MAP2K1: variants seen among roughly 807,000 people sequenced by gnomAD.
MAP2K1 encodes the protein mitogen-activated protein kinase kinase 1.
MAP2K1 carries 16 observed loss-of-function variants against 46.3 expected under a neutral mutation model. That is an observed-to-expected ratio of 0.35 (90% confidence interval 0.23 to 0.52). The LOEUF (loss-of-function observed/expected upper bound fraction) is 0.52, where lower values mean the gene tolerates loss of function less well. MAP2K1 is among the 20% of genes least tolerant of loss of function. The pLI is 0.94. For synonymous variants in MAP2K1, 183 were observed against 185.6 expected (o/e 0.99, Z 0.11); for missense variants, 263 against 497.1 (o/e 0.53, Z 4.48).
At chr15:66,435,802 C>T (rs118001730) in intron 2 of MAP2K1, among the ~76,000 whole-genome samples, 1 of 152,156 alleles carries the variant, frequency 6.6e-6, no homozygotes, top group Non-Finnish European at 1.5e-5. Context: ...TTATCAAGTG[C>T]TGGAGAAGCT....
chr15:66,436,725 C>G (rs994599054), intron 2 of MAP2K1, 21 bp from the exon 3 acceptor site: 7 of 1,613,498 alleles, frequency 4.3e-6, no homozygotes, highest in Non-Finnish European at 5.9e-6. Context: ...TAAAACCTCT[C>G]TTTCTTCCAC....
At position 66,392,255 on chromosome 15, in the gene MAP2K1, G is replaced by GTTTTTTTTTTTTTTTTTTT. The variant is rs58831070; in HGVS notation, c.80+4834_80+4852dup. Among the ~76,000 whole-genome samples the GTTTTTTTTTTTTTTTTTTT allele has an allele frequency of 5.1e-5, 5 of 97,768 alleles. 1 individual carries two copies. The highest frequency in any genetic ancestry group is 2.3e-4 in the African/African-American group (5 of 22,058). The allele number at this position is 97,768 out of a possible 152,430, so 64.1% of individuals were successfully genotyped here. The stretch of plus-strand genomic sequence containing the variant: ...ACGAATATTTGTGTGTTTTTTTTGG[G>GTTTTTTTTTTTTTTTTTTT]TTTTTTTTTTTTTTTTTTTTTTTTA... On this transcript the variant is annotated intron_variant, in intron 1 of 10. Transcript: ENST00000307102.
chr15:66,469,646 G>A lies in MAP2K1; in HGVS notation c.569-12109G>A, dbSNP rs529783467. Among the ~76,000 whole-genome samples, 119 of 134,690 alleles carry A rather than the reference G, an allele frequency of 8.8e-4. 2 individuals are homozygous for A. The South Asian group carries it at 0.021, about 23-fold the overall frequency. 88.4% of individuals were successfully genotyped at this position (134,690 alleles called of 152,430 possible). On this transcript the variant is annotated intron_variant, in intron 5 of 10. Transcript: ENST00000307102. ...AAAATTTGTCTCAAAAAAAGACAGGGTCCTAGACAGAGAAAAAACAAACCC... is the reference window on the plus strand; with the variant it reads ...AAAATTTGTCTCAAAAAAAGACAGGATCCTAGACAGAGAAAAAACAAACCC...
At chr15:66,455,934 G>A (rs563044723) in intron 5 of MAP2K1, among the ~76,000 whole-genome samples, 1 of 152,290 alleles carries the variant, frequency 6.6e-6, no homozygotes, top group South Asian at 2.1e-4. Flanking sequence ...TGATGTATGT[G>A]ATTTGTGAGC....
At chr15:66,425,779 A>G (rs1178121455) in intron 1 of MAP2K1, among the ~76,000 whole-genome samples, 1 of 152,222 alleles carries the variant, frequency 6.6e-6, no homozygotes, top group African/African-American at 2.4e-5. Context: ...TAGTGTAAAC[A>G]GGTACTATTT....
chr15:66,455,717 C>T (rs987944943), intron 5 of MAP2K1, among the ~76,000 whole-genome samples: 6 of 152,220 alleles, frequency 3.9e-5, no homozygotes, highest in African/African-American at 1.4e-4. Context: ...CAAAGGCAAG[C>T]ATGTTCTCAC....
At chr15:66,438,347 A>G (rs1218869867) in intron 3 of MAP2K1, among the ~76,000 whole-genome samples, 1 of 152,068 alleles carries the variant, frequency 6.6e-6, no homozygotes, top group Non-Finnish European at 1.5e-5. Flanking sequence ...TCGGCCTCCC[A>G]AAGTGCTGGG....
intron 5 of MAP2K1, among the ~76,000 whole-genome samples, chr15:66,456,442 C>T (rs1892167013): frequency 1.3e-5 from 2 of 152,128 alleles, no homozygotes; most frequent in South Asian, 4.1e-4. Flanking sequence ...ACCAGGAGGT[C>T]GGAAGGCAGG....
At chr15:66,430,761 A>G (rs1220266748) in intron 1 of MAP2K1, among the ~76,000 whole-genome samples, 1 of 152,148 alleles carries the variant, frequency 6.6e-6, no homozygotes, top group Admixed American at 6.5e-5. Flanking sequence ...CTGAGCCACA[A>G]ATGAAAGGTT....
At chr15:66,467,165 C>T (rs1892488680) in intron 5 of MAP2K1, among the ~76,000 whole-genome samples, 2 of 151,876 alleles carry the variant, frequency 1.3e-5, no homozygotes, top group African/African-American at 2.4e-5. Context: ...ACCCAGGAGG[C>T]GGAGGCTGCA....
intron 1 of MAP2K1, among the ~76,000 whole-genome samples, chr15:66,405,765 G>A (rs1566997700): frequency 1.3e-5 from 2 of 152,186 alleles, no homozygotes; most frequent in Non-Finnish European, 2.9e-5. Context: ...GGGCATGTCC[G>A]GATTAGTTTC....
chr15:66,489,001 A>G, intron 8 of MAP2K1: 1 of 614,232 alleles, frequency 1.6e-6, no homozygotes, highest in South Asian at 1.9e-5. Flanking sequence ...TAAATGTGCT[A>G]TTTGAGATCA....
intron 10 of MAP2K1, chr15:66,490,114 T>G: frequency 1.9e-6 from 1 of 522,542 alleles, no homozygotes; most frequent in Non-Finnish European, 3.5e-6. Flanking sequence ...GCCTGCTGTC[T>G]CGTTTGGTGG....
At position 66,454,149 on chromosome 15, in the gene MAP2K1, A is replaced by G. The variant is rs554875267; in HGVS notation, c.568+9442A>G. Among the ~76,000 whole-genome samples, 28 of 152,326 alleles carry G rather than the reference A, an allele frequency of 1.8e-4. No individual in the cohort carries two copies. In the South Asian group the frequency reaches 2.7e-3, roughly 15 times the overall value. ...AAGAGGGGGTAAACCCTACTACTTA[A>G]GTACCCTTTAAGCCTCTGCTTATGT... is the stretch of plus-strand genomic sequence containing the variant. On this transcript the variant is annotated intron_variant, in intron 5 of 10. Transcript: ENST00000307102.
intron 5 of MAP2K1, among the ~76,000 whole-genome samples, chr15:66,453,966 A>T (rs530885473): frequency 6.6e-6 from 1 of 152,268 alleles, no homozygotes; most frequent in African/African-American, 2.4e-5. Context: ...GCTTGGGTTG[A>T]TTATTTCAAT....
intron 1 of MAP2K1, among the ~76,000 whole-genome samples, chr15:66,398,054 A>G (rs1320543199): frequency 6.6e-6 from 1 of 151,454 alleles, no homozygotes; most frequent in Admixed American, 6.6e-5. Flanking sequence ...GTGAGCCAAG[A>G]GCATGCCATT....
rs150371015 is a variant in MAP2K1 at position 66,419,247 on chromosome 15, C to T, written c.81-15780C>T. Among the ~76,000 whole-genome samples the T allele has an allele frequency of 6.0e-4, 91 of 152,012 alleles. No homozygotes were observed. In the East Asian group the frequency reaches 0.014, roughly 23 times the overall value. ...CCTTTAAAAATTATCTGGCTGGGCG[C>T]GGTGGCTCACACCTGTAATTCTAGC... On this transcript the variant is annotated intron_variant, in intron 1 of 10. Transcript: ENST00000307102.
intron 5 of MAP2K1, among the ~76,000 whole-genome samples, chr15:66,456,654 C>A (rs1892172273): frequency 1.3e-5 from 2 of 152,180 alleles, no homozygotes; most frequent in South Asian, 4.1e-4. Context: ...GTGTTTGAAC[C>A]ACTGATTGGC....
intron 5 of MAP2K1, among the ~76,000 whole-genome samples, chr15:66,448,105 A>G (rs995350759): frequency 7.4e-6 from 1 of 135,316 alleles, no homozygotes; most frequent in South Asian, 2.5e-4. Context: ...GTGAGCTGAG[A>G]TTGTGCCACT....
Sources: allele counts gnomAD v4.1 joint callset (sites outside exome capture counted in the v4.1 genomes callset), GRCh38; gene constraint gnomAD v4.1.1; transcripts MANE v1.5; gene names NCBI Gene and HGNC (gene_info 2026-07-23, HGNC 2026-07-21).